ECE1: variants seen among roughly 807,000 people sequenced by gnomAD.
ECE1 encodes the protein endothelin-converting enzyme 1.
Under a neutral mutation model 98.6 loss-of-function variants are expected in ECE1, and 35 were observed. The observed-to-expected ratio is 0.35, with a 90% CI of 0.27 to 0.47. The LOEUF (loss-of-function observed/expected upper bound fraction) is 0.47. Among genes scored for constraint, ECE1 ranks in the 20% least tolerant of loss-of-function variants. The probability of loss-of-function intolerance (pLI) is 1.00; values close to 1 mark genes in which losing one functional copy is unlikely to be tolerated. For missense variants in ECE1, 814 were observed against 1,025.3 expected, an observed-to-expected ratio of 0.79 and a Z score of 2.81; for synonymous variants, 394 against 407.1, an observed-to-expected ratio of 0.97 and a Z score of 0.39.
chr1:21,343,527 C>T (rs754356741), intron 1 of ECE1, among the ~76,000 whole-genome samples: 10 of 152,188 alleles, frequency 6.6e-5, no homozygotes, highest in Non-Finnish European at 5.9e-5. Context: ...AGCGTGGGCT[C>T]AAGCTTGGAA....
chr1:21,327,378 A>C lies in ECE1; in HGVS notation c.3+17998T>G, dbSNP rs1639103689. On this transcript the variant is annotated intron_variant, in intron 1 of 18. Coordinates refer to the ECE1 transcript ENST00000415912. The surrounding 1 kb of genome is among the most constrained non-coding windows in gnomAD (Gnocchi z 4.6). ...ACGGGCTGATCCCCTGCCCCACTCC[A>C]ATCAATCACCAGGCCCTGCCCACTC... is the stretch of plus-strand genomic sequence containing the variant. 6.6e-6 allele frequency among the ~76,000 whole-genome samples: 1 copy of C among 152,052 alleles called. No individual in the cohort carries two copies. Among genetic ancestry groups the C allele is most frequent in the Non-Finnish European group, 1.5e-5 (1 of 67,998 alleles).
chr1:21,256,648 GAGAA>G (rs2098220359), intron 7 of ECE1: 1 of 152,816 alleles, frequency 6.5e-6, no homozygotes, highest in Non-Finnish European at 1.5e-5. Flanking sequence ...CAGCCTCCAG[GAGAA>G]AGCCCAAAGT....
intron 2 of ECE1, among the ~76,000 whole-genome samples, chr1:21,288,018 A>G (rs765459862): frequency 6.6e-6 from 1 of 152,188 alleles, no homozygotes; most frequent in Non-Finnish European, 1.5e-5. Flanking sequence ...TGCCTCATAA[A>G]TGGAGATGAA....
chr1:21,310,454 T>C (rs1250283383), intron 1 of ECE1, among the ~76,000 whole-genome samples: 1 of 152,224 alleles, frequency 6.6e-6, no homozygotes, highest in Non-Finnish European at 1.5e-5. Flanking sequence ...TGGGGCCTGA[T>C]GCTGTGATTG....
intron 1 of ECE1, among the ~76,000 whole-genome samples, chr1:21,304,615 T>G (rs1638557662): frequency 6.6e-6 from 1 of 152,214 alleles, no homozygotes; most frequent in South Asian, 2.1e-4. Context: ...CTAAGCCATA[T>G]GGCGACAGAC....
intron 1 of ECE1, among the ~76,000 whole-genome samples, chr1:21,315,702 G>A (rs1638816777): frequency 6.7e-6 from 1 of 149,632 alleles, no homozygotes. Flanking sequence ...GCTGAGGTGT[G>A]AGAATCACTT....
At chr1:21,279,056 G>T in intron 3 of ECE1, 135 bp downstream of exon 3, 2 of 1,475,186 alleles carry the variant, frequency 1.4e-6, no homozygotes, top group Non-Finnish European at 9.3e-7. Context: ...TCAGCACCCA[G>T]ACCCCCCTGG....
At chr1:21,253,362 G>A (rs1030851261) in intron 8 of ECE1, among the ~76,000 whole-genome samples, 9 of 151,790 alleles carry the variant, frequency 5.9e-5, no homozygotes, top group Admixed American at 2.0e-4. Flanking sequence ...CGGCCAGGAC[G>A]TCTTTAAATG....
intron 10 of ECE1, among the ~76,000 whole-genome samples, chr1:21,242,054 T>A (rs991339339): frequency 1.3e-5 from 2 of 151,986 alleles, no homozygotes; most frequent in Non-Finnish European, 2.9e-5. Context: ...AAGTCACAAA[T>A]GGGTGATAGC....
chr1:21,246,080 C>G (rs1354274944), intron 9 of ECE1, among the ~76,000 whole-genome samples: 1 of 151,982 alleles, frequency 6.6e-6, no homozygotes, highest in Admixed American at 6.6e-5. Context: ...GCCTGGGCAA[C>G]ATAGTGAGAC....
At chr1:21,272,623 C>T in intron 4 of ECE1, 76 bp downstream of exon 4, 2 of 1,569,818 alleles carry the variant, frequency 1.3e-6, no homozygotes, top group Non-Finnish European at 1.7e-6. Flanking sequence ...TAAGCAGGCG[C>T]AGCTGGGAAG....
chr1:21,264,993 C>T (rs2098232071), intron 4 of ECE1, among the ~76,000 whole-genome samples: 1 of 152,192 alleles, frequency 6.6e-6, no homozygotes. Flanking sequence ...CCCTCTCTGG[C>T]CCCATGCCCT....
chr1:21,271,709 TTAAC>T (rs1458541286), intron 4 of ECE1, among the ~76,000 whole-genome samples: 1 of 151,972 alleles, frequency 6.6e-6, no homozygotes. Flanking sequence ...CCAACAAACA[TTAAC>T]TAAGGATACA....
upstream of ECE1, among the ~76,000 whole-genome samples, chr1:21,291,595 T>C (rs561324715): frequency 1.3e-5 from 2 of 152,040 alleles, no homozygotes; most frequent in African/African-American, 4.8e-5. Flanking sequence ...GGAGGCCAAG[T>C]TGGGTAGATC....
At chr1:21,269,072 G>T (rs924415064) in intron 4 of ECE1, among the ~76,000 whole-genome samples, 1 of 152,170 alleles carries the variant, frequency 6.6e-6, no homozygotes, top group Admixed American at 6.5e-5. Context: ...TGGAGCAGCC[G>T]CTGGGGAAAG....
chr1:21,259,270 TA>T, intron 5 of ECE1, among the ~76,000 whole-genome samples: 1 of 152,070 alleles, frequency 6.6e-6, no homozygotes, highest in South Asian at 2.1e-4. Context: ...GTTGGGATTT[TA>T]AAAAAATTTT....
chr1:21,251,955 C>T (rs1313085048), intron 8 of ECE1, among the ~76,000 whole-genome samples: 3 of 152,206 alleles, frequency 2.0e-5, no homozygotes, highest in Non-Finnish European at 4.4e-5. Flanking sequence ...ATTTCTGTGA[C>T]TACAAAAACT....
chr1:21,254,429 C>T (rs1007697138), intron 8 of ECE1, among the ~76,000 whole-genome samples: 1 of 152,098 alleles, frequency 6.6e-6, no homozygotes. Context: ...AAACTCCCCC[C>T]ACCTTGGCAG....
Position 21,342,607 on chromosome 1 carries a change from T to TACACAC in ECE1, c.3+2763_3+2768dup, listed in dbSNP as rs71014187. 1.6e-3 allele frequency among the ~76,000 whole-genome samples: 222 copies of TACACAC among 139,820 alleles called. 1 individual carries two copies. The highest frequency in any genetic ancestry group is 5.5e-3 in the East Asian group (26 of 4,702). 91.7% of individuals were successfully genotyped at this position (139,820 alleles called of 152,430 possible). A position where few individuals can be genotyped will look rare whatever the true frequency, so the allele number is the denominator to read the frequency against. On this transcript the variant is annotated intron_variant, in intron 1 of 18. Transcript: ENST00000415912. ...ACACAGACACACAGACACACACAGA[T>TACACAC]ACACACACACACACACACACACACA...
Sources: allele counts gnomAD v4.1 joint callset (sites outside exome capture counted in the v4.1 genomes callset), GRCh38; gene constraint gnomAD v4.1.1; non-coding constraint Gnocchi (gnomAD v3.1); transcripts MANE v1.5; gene names NCBI Gene and HGNC (gene_info 2026-07-23, HGNC 2026-07-21).